GBGT1: variants seen among roughly 807,000 people sequenced by gnomAD.
GBGT1 encodes globoside alpha-1,3-N-acetylgalactosaminyltransferase 1 (FORS blood group), also known as globoside alpha-1,3-N-acetylgalactosaminyltransferase 1.
GBGT1 carries 18 observed loss-of-function variants against 20.9 expected under a neutral mutation model. That is an observed-to-expected ratio of 0.86 (90% confidence interval 0.60 to 1.28). The LOEUF is 1.28. GBGT1 is among the 50% of genes most tolerant of loss of function. The probability of loss-of-function intolerance (pLI) is 0.00; values close to 1 mark genes in which losing one functional copy is unlikely to be tolerated. For synonymous variants in GBGT1, 168 were observed against 180.8 expected (o/e 0.93, Z 0.57); for missense variants, 432 against 455.7 (o/e 0.95, Z 0.47).
In GBGT1 at chr9:133,162,349, C is replaced by G. The variant is rs1171266721; in HGVS notation, c.64G>C (p.Val22Leu). The G allele has an allele frequency of 6.2e-7, 1 of 1,610,826 alleles. No individual in the cohort carries two copies. The highest frequency in any genetic ancestry group is 8.5e-7 in the Non-Finnish European group (1 of 1,179,230). The change falls in exon 2 of 7, where the codon GTC becomes CTC. Residue 22 changes from valine to leucine, a missense_variant. Physicochemically the swap from Val to Leu is conservative, Grantham distance 32. Coordinates refer to ENST00000372040, the MANE Select transcript of GBGT1 (RefSeq NM_021996.6). Reference sequence around the variant, plus strand: ...TCCGTGGGGCAGACTCACCACAGGACACTGAGGCTTGTGCCCGCCAACAGG... The same window carrying G: ...TCCGTGGGGCAGACTCACCACAGGAGACTGAGGCTTGTGCCCGCCAACAGG... ...FCLLAGTSLSVLWVYLENWLP... is the reference protein window; with the variant it reads ...FCLLAGTSLSLLWVYLENWLP...
chr9:133,159,103 G>A (rs1411278335), intron 3 of GBGT1, among the ~76,000 whole-genome samples: 1 of 152,034 alleles, frequency 6.6e-6, no homozygotes, highest in African/African-American at 2.4e-5. Flanking sequence ...TGGGACTACA[G>A]GTGTGTGCCA....
rs138951308 is a variant in GBGT1, at chr9:133,154,441, C to T, written c.360-180G>A. On this transcript the variant is annotated intron_variant, in intron 6 of 6. Transcript: ENST00000372040. The surrounding 1 kb of genome is among the most constrained non-coding windows in gnomAD (Gnocchi z 4.2). Reference sequence around the variant, plus strand: ...CCAAAATGCTAGTACCAGCCTCTTACGGCTGTTGTAAGCATGTTCCTGGTA... The same window carrying T: ...CCAAAATGCTAGTACCAGCCTCTTATGGCTGTTGTAAGCATGTTCCTGGTA... 170 of 466,036 alleles carry T rather than the reference C, an allele frequency of 3.6e-4. 1 individual carries two copies. Among genetic ancestry groups the T allele is most frequent in the African/African-American group, 2.9e-3 (147 of 51,306 alleles). 28.9% of individuals were successfully genotyped at this position (466,036 alleles called of 1,614,324 possible).
chr9:133,155,152 C>T (rs764369848), intron 6 of GBGT1, 26 bp downstream of exon 6: 1 of 1,607,554 alleles, frequency 6.2e-7, no homozygotes, highest in South Asian at 1.1e-5. Context: ...GGAGACCTCC[C>T]TCCCCTTCCC....
chr9:133,161,611 G>T (rs887094069), intron 2 of GBGT1, 79 bp from the exon 3 acceptor site: 1 of 951,394 alleles, frequency 1.1e-6, no homozygotes, highest in Non-Finnish European at 1.6e-6. Flanking sequence ...GCACGTCATT[G>T]GGAGTGCAGG....
intron 5 of GBGT1, 124 bp downstream of exon 5, chr9:133,155,777 A>C: frequency 1.0e-6 from 1 of 1,002,592 alleles, no homozygotes; most frequent in East Asian, 2.4e-5. Flanking sequence ...GTGTCTTTCC[A>C]CAGTCCCTAA....
At position 133,155,196 on chromosome 9, in the gene GBGT1, G is replaced by A. The variant is rs149456203; in HGVS notation, c.341C>T (p.Thr114Met). ...YQPLNLTIGV[T>M]VFAVGKYTHF... ...TACTCACTTCCCCACGGCAAACACC[G>A]TGACCCCAATGGTCAGGTTCAGTGG... The change falls in exon 6 of 7, where the codon ACG (threonine) becomes ATG (methionine). Residue 114 changes from threonine (T) to methionine (M), a missense_variant. By Grantham distance (81) the Thr-to-Met change is moderately conservative. Coordinates refer to ENST00000372040, the MANE Select transcript of GBGT1 (RefSeq NM_021996.6). 6.5e-4 allele frequency: 1,047 copies of A among 1,613,982 alleles called. 9 individuals carry two copies. The African/African-American group carries it at 0.012, about 19-fold the overall frequency.
chr9:133,159,248 G>A (rs1034709129), intron 3 of GBGT1, among the ~76,000 whole-genome samples: 2 of 152,228 alleles, frequency 1.3e-5, no homozygotes, highest in South Asian at 2.1e-4. Flanking sequence ...GGCATAAGCC[G>A]CTACACCCAG....
At chr9:133,161,798 C>T (rs931006968) in intron 2 of GBGT1, among the ~76,000 whole-genome samples, 1 of 152,238 alleles carries the variant, frequency 6.6e-6, no homozygotes, top group African/African-American at 2.4e-5. Flanking sequence ...CCAGGCCCCC[C>T]ACACAAACAG....
Position 133,155,117 on chromosome 9 carries a change from C to T in GBGT1, c.359+61G>A, listed in dbSNP as rs767649540. 4 of 1,518,230 alleles carry T rather than the reference C, an allele frequency of 2.6e-6. No individual in the cohort carries two copies. In the African/African-American group the frequency reaches 5.5e-5, roughly 21 times the overall value. The allele number at this position is 1,518,230 out of a possible 1,614,324, so 94.0% of individuals were successfully genotyped here. ...TGTGCACGTCTGGTCTGGTCTCTTCCCAACTATAAACTCCTGTGGCTCAGG... is the reference window on the plus strand; with the variant it reads ...TGTGCACGTCTGGTCTGGTCTCTTCTCAACTATAAACTCCTGTGGCTCAGG... On this transcript the variant is annotated intron_variant, in intron 6 of 6. Transcript: ENST00000372040.
intron 2 of GBGT1, among the ~76,000 whole-genome samples, chr9:133,162,006 G>A (rs1324997207): frequency 6.6e-6 from 1 of 152,134 alleles, no homozygotes; most frequent in African/African-American, 2.4e-5. Context: ...TGGGGCTGGG[G>A]TTGGAGAACA....
In GBGT1 at chr9:133,155,952, AC is replaced by A; in HGVS notation, c.189-17del. ...GTACTGTGACCTGCAACCAAGAAGG[AC>A]CAGTGATGGAGGAGAGCCACCACCC... is the stretch of plus-strand genomic sequence containing the variant. On this transcript the variant is annotated splice_polypyrimidine_tract_variant and intron_variant, in intron 4 of 6. Transcript: ENST00000372040. 1 of 1,614,106 alleles carries A rather than the reference AC, an allele frequency of 6.2e-7. No homozygotes were observed. The highest frequency in any genetic ancestry group is 8.5e-7 in the Non-Finnish European group (1 of 1,179,952).
At chr9:133,157,640 A>G (rs1832910779) in intron 3 of GBGT1, among the ~76,000 whole-genome samples, 2 of 152,232 alleles carry the variant, frequency 1.3e-5, no homozygotes, top group South Asian at 4.1e-4. Context: ...TTCAAGGTCA[A>G]ACTGGTTGGA....
chr9:133,161,449 A>T lies in GBGT1; in HGVS notation c.137+18T>A, dbSNP rs778031381. 5.1e-6 allele frequency: 8 copies of T among 1,577,124 alleles called. No individual in the cohort carries two copies. The Middle Eastern group carries it at 5.1e-4, about 101-fold the overall frequency. Reference sequence around the variant, plus strand: ...AGCCCTCAGGGCCCCCAGTTCTCCTAGCCACACCCATACTTACAAGATCTC... The same window carrying T: ...AGCCCTCAGGGCCCCCAGTTCTCCTTGCCACACCCATACTTACAAGATCTC... On this transcript the variant is annotated intron_variant, in intron 3 of 6. Coordinates refer to ENST00000372040, the MANE Select transcript of GBGT1 (RefSeq NM_021996.6).
chr9:133,152,994 C>G lies in GBGT1; in HGVS notation c.*583G>C, dbSNP rs1321574557. 6.6e-6 allele frequency: 1 copy of G among 152,140 alleles called. No individual in the cohort carries two copies. The highest frequency in any genetic ancestry group is 1.9e-4 in the East Asian group (1 of 5,190). 9.4% of individuals were successfully genotyped at this position (152,140 alleles called of 1,614,324 possible). The stretch of plus-strand genomic sequence containing the variant: ...TTTATTATAAACTGCCCCAAACCCT[C>G]TTAAGAAGGAGGTGGCTAGTCCCCT... On this transcript the variant is annotated 3_prime_UTR_variant, in exon 7 of 7. Coordinates refer to ENST00000372040, the MANE Select transcript of GBGT1 (RefSeq NM_021996.6).
At position 133,157,942 on chromosome 9, in the gene GBGT1, C is replaced by T. The variant is rs527499255; in HGVS notation, c.138-1877G>A. Among the ~76,000 whole-genome samples the T allele has an allele frequency of 8.5e-5, 13 of 152,214 alleles. No individual in the cohort carries two copies. The East Asian group carries it at 2.5e-3, about 29-fold the overall frequency. ...CGGGCAGATCACAAGGTCGAGAGAT[C>T]GAGACCATCCTGGGCAACATGGTGA... is the stretch of plus-strand genomic sequence containing the variant. On this transcript the variant is annotated intron_variant, in intron 3 of 6. Transcript: ENST00000372040.
At chr9:133,161,563 TGATCCACTCTGCACC>T (rs1833045359) in intron 2 of GBGT1, 31 bp from the exon 3 acceptor site, 1 of 1,501,564 alleles carries the variant, frequency 6.7e-7, no homozygotes, top group Non-Finnish European at 9.1e-7. Flanking sequence ...AAAAATCTGT[TGATCCACTCTGCACC>T]AGAGGCTGAA....
intron 3 of GBGT1, among the ~76,000 whole-genome samples, chr9:133,160,887 G>A (rs190850631): frequency 6.6e-6 from 1 of 152,080 alleles, no homozygotes; most frequent in Middle Eastern, 3.4e-3. Flanking sequence ...GCGGGTGCCT[G>A]TAATCCCAGC....
rs1833042327 is a variant in GBGT1 at position 133,161,529 on chromosome 9, C to T, written c.75G>A (p.Val25=). 6.2e-7 allele frequency: 1 copy of T among 1,604,994 alleles called. No homozygotes were observed. Residue 25 remains valine (V), a synonymous_variant, in exon 3 of 7, where the codon GTG becomes GTA. Transcript: ENST00000372040. ...LAGTSLSVLW[V]YLENWLPVSY... is the part of the protein sequence containing the mutation. The stretch of plus-strand genomic sequence containing the variant: ...AGACTGGCAGCCAGTTCTCAAGATA[C>T]ACCCTGTGAATAAAAAAAAGAAAAA...
chr9:133,162,465 G>T lies in GBGT1; in HGVS notation c.-53C>A. 1.4e-6 allele frequency: 2 copies of T among 1,444,410 alleles called. No homozygotes were observed. The highest frequency in any genetic ancestry group is 1.9e-6 in the Non-Finnish European group (2 of 1,044,040). The allele number at this position is 1,444,410 out of a possible 1,614,324, so 89.5% of individuals were successfully genotyped here. A position where few individuals can be genotyped will look rare whatever the true frequency, so the allele number is the denominator to read the frequency against. On this transcript the variant is annotated 5_prime_UTR_variant, in exon 2 of 7. Coordinates refer to ENST00000372040, the MANE Select transcript of GBGT1 (RefSeq NM_021996.6). ...ACTTGTAGAGACCCCCACTGGCCTG[G>T]GCGGATGAGGCTGTCCCCTCGCAGG... is the stretch of plus-strand genomic sequence containing the variant.
Sources: allele counts gnomAD v4.1 joint callset (sites outside exome capture counted in the v4.1 genomes callset), GRCh38; gene constraint gnomAD v4.1.1; non-coding constraint Gnocchi (gnomAD v3.1); transcripts MANE v1.5; gene names NCBI Gene and HGNC (gene_info 2026-07-23, HGNC 2026-07-21).